NUAK2: variants seen among roughly 807,000 people sequenced by gnomAD.
The protein encoded by NUAK2 is NUAK family kinase 2.
Under a neutral mutation model 29.8 loss-of-function variants are expected in NUAK2, and 20 were observed. The observed-to-expected ratio is 0.67, with a 90% CI of 0.47 to 0.98. The LOEUF (loss-of-function observed/expected upper bound fraction) is 0.98. Ranked by LOEUF, NUAK2 falls within the 50% of genes least tolerant of loss-of-function variation. The pLI is 0.00. For missense variants in NUAK2, 719 were observed against 834.5 expected, an observed-to-expected ratio of 0.86 and a Z score of 1.71; for synonymous variants, 331 against 342.6, an observed-to-expected ratio of 0.97 and a Z score of 0.37.
intron 1 of NUAK2, among the ~76,000 whole-genome samples, chr1:205,315,504 G>A (rs896650653): frequency 2.6e-5 from 4 of 152,152 alleles, no homozygotes; most frequent in South Asian, 2.1e-4. Context: ...AGTCCACCTC[G>A]GTTATAAGGA....
At chr1:205,310,983 C>T (rs752989960) in intron 2 of NUAK2, among the ~76,000 whole-genome samples, 5 of 152,212 alleles carry the variant, frequency 3.3e-5, no homozygotes, top group Non-Finnish European at 7.3e-5. Flanking sequence ...TTCTTCCCTC[C>T]TGTTGCTATC....
Position 205,302,907 on chromosome 1 carries a change from TAAATAAAAATAA to T in NUAK2, c.*531_*542del, listed in dbSNP as rs61237434. The T allele has an allele frequency of 1.4e-4, 22 of 151,840 alleles. No individual in the cohort carries two copies. The East Asian group carries it at 3.7e-3, about 25-fold the overall frequency. 9.4% of individuals were successfully genotyped at this position (151,840 alleles called of 1,614,324 possible). Reference sequence around the variant, plus strand: ...ACTCCGTCTCAAAAAAATAAATAAATAAATAAAAATAAAAATAAAAATAACGAAGCGTTACTC... The same window carrying T: ...ACTCCGTCTCAAAAAAATAAATAAATAAATAAAAATAACGAAGCGTTACTC... On this transcript the variant is annotated 3_prime_UTR_variant, in exon 7 of 7. Transcript: ENST00000367157.
intron 1 of NUAK2, among the ~76,000 whole-genome samples, chr1:205,313,655 C>T (rs987304422): frequency 6.6e-6 from 1 of 151,608 alleles, no homozygotes; most frequent in Non-Finnish European, 1.5e-5. Flanking sequence ...CACCCCTTCT[C>T]AGAGCCTCGG....
chr1:205,311,776 A>G lies in NUAK2; in HGVS notation c.281T>C (p.Leu94Pro), dbSNP rs1248838032. Residue 94 changes from leucine (L) to proline (P), a missense_variant, in exon 2 of 7, where the codon CTG (leucine) becomes CCG (proline). Leu to Pro is a moderately conservative substitution (Grantham distance 98, BLOSUM62 -3). Transcript: ENST00000367157. Reference sequence around the variant, plus strand: ...CTCAATCTCCCTCCGTATGTGCATCAGATCTTGCTCATCTTTGATTTTGTC... The same window carrying G: ...CTCAATCTCCCTCCGTATGTGCATCGGATCTTGCTCATCTTTGATTTTGTC... Reference protein sequence around the residue: ...RKDKIKDEQDLMHIRREIEIM... With the variant: ...RKDKIKDEQDPMHIRREIEIM... 2 of 1,614,192 alleles carry G rather than the reference A, an allele frequency of 1.2e-6. No individual in the cohort carries two copies. Among genetic ancestry groups the G allele is most frequent in the South Asian group, 2.2e-5 (2 of 91,080 alleles).
In NUAK2 at chr1:205,305,547, C is replaced by T. The variant is rs1539695; in HGVS notation, c.691-216G>A. On this transcript the variant is annotated intron_variant, in intron 5 of 6. Transcript: ENST00000367157. The stretch of plus-strand genomic sequence containing the variant: ...AGAGCTACAGCCAGGTCATCTCTTC[C>T]GGGCTGGGGAAGGGGTGGTTGTGAC... 0.3 allele frequency: 291,732 copies of T among 983,738 alleles called. 44,399 individuals are homozygous for T. Among genetic ancestry groups the T allele is most frequent in the East Asian group, 0.46 (4,035 of 8,766 alleles). 60.9% of individuals were successfully genotyped at this position (983,738 alleles called of 1,614,324 possible). A position where few individuals can be genotyped will look rare whatever the true frequency, so the allele number is the denominator to read the frequency against.
At chr1:205,319,041 C>A (rs556629658) in intron 1 of NUAK2, among the ~76,000 whole-genome samples, 1 of 152,044 alleles carries the variant, frequency 6.6e-6, no homozygotes, top group African/African-American at 2.4e-5. Flanking sequence ...CACCCCTCTC[C>A]CGCACTGAAG....
rs529448271 is a variant in NUAK2, at chr1:205,311,760, C to T, written c.297G>A (p.Arg99=). The part of the protein sequence containing the change: ...KDEQDLMHIR[R]EIEIMSSLNH... ...TGAGTGATGACATGATCTCAATCTC[C>T]CTCCGTATGTGCATCAGATCTTGCT... The change falls in exon 2 of 7, where the codon AGG becomes AGA. Residue 99 remains arginine (R), a synonymous_variant. Coordinates refer to ENST00000367157, the MANE Select transcript of NUAK2 (RefSeq NM_030952.3). 5.0e-6 allele frequency: 8 copies of T among 1,614,022 alleles called. No individual in the cohort carries two copies. The African/African-American group carries it at 8.0e-5, about 16-fold the overall frequency.
chr1:205,308,809 C>A lies in NUAK2; in HGVS notation c.353-77G>T. On this transcript the variant is annotated intron_variant, in intron 2 of 6. Transcript: ENST00000367157. The surrounding 1 kb of genome is among the most constrained non-coding windows in gnomAD (Gnocchi z 4.1). The stretch of plus-strand genomic sequence containing the variant: ...CCACTGGGGGTGACTCACTCCTCCC[C>A]GACCCCAGGCCCCAAACCAGACAGG... 6.5e-7 allele frequency: 1 copy of A among 1,539,798 alleles called. No homozygotes were observed. The highest frequency in any genetic ancestry group is 8.9e-7 in the Non-Finnish European group (1 of 1,127,532).
At chr1:205,312,698 C>T (rs570519371) in intron 1 of NUAK2, among the ~76,000 whole-genome samples, 5 of 151,892 alleles carry the variant, frequency 3.3e-5, no homozygotes, top group Admixed American at 2.0e-4. Context: ...GCTATAGGCG[C>T]GTGCTGAGGT....
intron 1 of NUAK2, 150 bp downstream of exon 1, chr1:205,321,248 C>T (rs1052496912): frequency 7.3e-6 from 5 of 680,512 alleles, no homozygotes; most frequent in African/African-American, 1.9e-5. Flanking sequence ...CTGCCAGGGA[C>T]ACCCCGCAGT....
At chr1:205,315,968 C>T (rs1189144167) in intron 1 of NUAK2, among the ~76,000 whole-genome samples, 1 of 152,188 alleles carries the variant, frequency 6.6e-6, no homozygotes, top group Admixed American at 6.5e-5. Context: ...GGCCACATGC[C>T]TGAGACAGTC....
In NUAK2 at chr1:205,308,518, A is replaced by ACC. The variant is rs1396685888; in HGVS notation, c.504+62_504+63insGG. 6.4e-6 allele frequency: 10 copies of ACC among 1,566,516 alleles called. No individual in the cohort carries two copies. Among genetic ancestry groups the ACC allele is most frequent in the African/African-American group, 1.4e-5 (1 of 74,012 alleles). ...CAAGTCATGGAACCTCTCTGGTCCA[A>ACC]AACAGCCCTAGAGCCCTGGGGACCA... On this transcript the variant is annotated intron_variant, in intron 3 of 6. Transcript: ENST00000367157. This position sits in a 1 kb window ranked among gnomAD's most constrained non-coding sequence, Gnocchi z 4.1.
chr1:205,307,794 TG>T (rs1660931322), intron 4 of NUAK2, among the ~76,000 whole-genome samples: 1 of 152,324 alleles, frequency 6.6e-6, no homozygotes, highest in Admixed American at 6.5e-5. Context: ...TGTACATACA[TG>T]AGAAGAACTC....
Position 205,305,277 on chromosome 1 carries a change from G to C in NUAK2, c.745C>G (p.Pro249Ala), listed in dbSNP as rs199839354. ...LLYILVHGTM[P>A]FDGHDHKILV... The stretch of plus-strand genomic sequence containing the variant: ...ATCTTATGGTCATGCCCATCAAAGG[G>C]CATGGTGCCATGCACCAGGATGTAG... The change falls in exon 6 of 7, where the codon CCC (proline) becomes GCC (alanine). Residue 249 changes from proline (P) to alanine (A), a missense_variant. Transcript: ENST00000367157. The C allele has an allele frequency of 6.9e-5, 111 of 1,614,036 alleles. No individual in the cohort carries two copies. Among genetic ancestry groups the C allele is most frequent in the Non-Finnish European group, 3.4e-6 (4 of 1,179,982 alleles).
chr1:205,320,390 G>A (rs1415871785), intron 1 of NUAK2, among the ~76,000 whole-genome samples: 4 of 152,028 alleles, frequency 2.6e-5, no homozygotes, highest in South Asian at 2.1e-4. Flanking sequence ...TCAGCCTCCC[G>A]AGTAGCTGGG....
chr1:205,314,546 A>G (rs991944229), intron 1 of NUAK2, among the ~76,000 whole-genome samples: 6 of 152,200 alleles, frequency 3.9e-5, no homozygotes, highest in African/African-American at 4.8e-5. Flanking sequence ...CCTGGATTCA[A>G]CTTGGAGTAT....
chr1:205,306,366 C>G, intron 4 of NUAK2, 59 bp from the exon 5 acceptor site: 8 of 1,555,836 alleles, frequency 5.1e-6, no homozygotes, highest in Non-Finnish European at 6.9e-6. Flanking sequence ...TTTTCTGCAG[C>G]TCTTGGCCCG....
In NUAK2 at chr1:205,304,371, G is replaced by T. The variant is rs375831502; in HGVS notation, c.966C>A (p.His322Gln). 11 of 1,609,918 alleles carry T rather than the reference G, an allele frequency of 6.8e-6. No individual in the cohort carries two copies. Among genetic ancestry groups the T allele is most frequent in the Admixed American group, 1.7e-5 (1 of 59,792 alleles). The change falls in exon 7 of 7, where the codon CAC becomes CAA. Residue 322 changes from histidine (H) to glutamine (Q), a missense_variant. This residue lies in a region of NUAK2 where 430 missense variants were observed against 465.7 expected (regional missense o/e 0.92). Coordinates refer to ENST00000367157, the MANE Select transcript of NUAK2 (RefSeq NM_030952.3). This position sits in a 1 kb window ranked among gnomAD's most constrained non-coding sequence, Gnocchi z 6.5. The part of the protein sequence containing the change: ...GEQEAPHEGG[H>Q]PGSDSARASM... ...AGGCGCGGGCAGAGTCACTGCCAGG[G>T]TGCCCACCCTCATGCGGAGCCTCCT...
At chr1:205,320,468 G>T (rs569103312) in intron 1 of NUAK2, among the ~76,000 whole-genome samples, 10 of 152,144 alleles carry the variant, frequency 6.6e-5, no homozygotes, top group Non-Finnish European at 1.3e-4. Context: ...GTTTCACTGT[G>T]TTAGCCAGGA....
Sources: allele counts gnomAD v4.1 joint callset (sites outside exome capture counted in the v4.1 genomes callset), GRCh38; gene constraint gnomAD v4.1.1; regional missense constraint gnomAD v4.1.1; non-coding constraint Gnocchi (gnomAD v3.1); transcripts MANE v1.5; gene names NCBI Gene and HGNC (gene_info 2026-07-23, HGNC 2026-07-21).